Variants in NBPF8 observed in about 807,000 individuals in gnomAD.
The protein encoded by NBPF8 is NBPF member 8, also known as NBPF family member NBPF8.
intron 17 of NBPF8, among the ~76,000 whole-genome samples, chr1:120,459,773 C>T (rs1248450918): frequency 2.6e-5 from 4 of 152,224 alleles, no homozygotes; most frequent in Admixed American, 6.5e-5. Flanking sequence ...CTGACTGTCA[C>T]GATATTGAAC....
At chr1:120,454,700 T>G in intron 15 of NBPF8, among the ~76,000 whole-genome samples, 2 of 100,272 alleles carry the variant, frequency 2.0e-5, no homozygotes, top group African/African-American at 3.9e-5. Context: ...TGTAGCATCG[T>G]GGATTTTTTT....
intron 15 of NBPF8, among the ~76,000 whole-genome samples, chr1:120,454,576 C>A (rs1245047181): frequency 6.6e-6 from 1 of 152,108 alleles, no homozygotes; most frequent in African/African-American, 2.4e-5. Context: ...TGCACAGTCA[C>A]CCTGAAATCA....
intron 12 of NBPF8, among the ~76,000 whole-genome samples, chr1:120,451,896 G>A: frequency 2.0e-5 from 3 of 151,642 alleles, no homozygotes; most frequent in Non-Finnish European, 4.4e-5. Context: ...AAAGATGAAT[G>A]GAACATCATC....
downstream of NBPF8, among the ~76,000 whole-genome samples, chr1:120,467,991 A>G (rs1661791128): frequency 6.6e-6 from 1 of 151,586 alleles, no homozygotes; most frequent in Admixed American, 6.6e-5. Context: ...TGCCTTTGGC[A>G]TTTAGGAAGG....
At chr1:120,420,477 T>G (rs1203826164) in intron 1 of NBPF8, among the ~76,000 whole-genome samples, 6 of 149,692 alleles carry the variant, frequency 4.0e-5, no homozygotes, top group African/African-American at 1.5e-4. Flanking sequence ...CCCTTTCACC[T>G]GCTTTCTTCT....
upstream of NBPF8, chr1:120,433,585 G>C (rs1433497932): frequency 6.2e-6 from 1 of 161,290 alleles, no homozygotes; most frequent in African/African-American, 2.4e-5. Flanking sequence ...AATTAAAATG[G>C]TGTGTGTATG....
chr1:120,468,380 C>T (rs1314047416), downstream of NBPF8, among the ~76,000 whole-genome samples: 2 of 150,046 alleles, frequency 1.3e-5, no homozygotes, highest in Non-Finnish European at 3.0e-5. Flanking sequence ...AATCAGGTCT[C>T]GCTGAGTTTA....
exon 23 of NBPF8, chr1:120,464,515 GA>G: frequency 9.7e-6 from 10 of 1,030,176 alleles, no homozygotes; most frequent in East Asian, 2.4e-5. Flanking sequence ...TGCATTGGAG[GA>G]AAAACATGTT....
chr1:120,450,016 C>T (rs1275901979), intron 11 of NBPF8, among the ~76,000 whole-genome samples: 1 of 152,038 alleles, frequency 6.6e-6, no homozygotes, highest in Non-Finnish European at 1.5e-5. Context: ...ATCATCAGGT[C>T]AGGAGTTTGG....
chr1:120,435,874 A>G (rs1352251803), upstream of NBPF8, among the ~76,000 whole-genome samples: 1 of 148,012 alleles, frequency 6.8e-6, no homozygotes, highest in South Asian at 2.1e-4. Flanking sequence ...TCAAAAAAAT[A>G]AAAAAGTCAA....
At chr1:120,450,113 C>T (rs1361427945) in intron 11 of NBPF8, among the ~76,000 whole-genome samples, 28 of 151,984 alleles carry the variant, frequency 1.8e-4, no homozygotes, top group East Asian at 3.9e-4. Flanking sequence ...TGTAATCACC[C>T]CTGCTCAGGA....
chr1:120,431,808 T>A (rs1204320223), upstream of NBPF8, among the ~76,000 whole-genome samples: 1 of 151,382 alleles, frequency 6.6e-6, no homozygotes, highest in Non-Finnish European at 1.5e-5. Context: ...TCTGTATGTG[T>A]GTTTCCAGAC....
intron 11 of NBPF8, among the ~76,000 whole-genome samples, chr1:120,450,273 G>C (rs1238724834): frequency 1.3e-5 from 2 of 152,020 alleles, no homozygotes; most frequent in African/African-American, 4.8e-5. Flanking sequence ...AAAAAGCAGA[G>C]AGTAGCTTGG....
At chr1:120,436,669 C>T (rs1661092777) in exon 1 of NBPF8, 2 of 1,564,648 alleles carry the variant, frequency 1.3e-6, no homozygotes, top group Non-Finnish European at 1.8e-6. Context: ...AACTGGCCGG[C>T]TTCCTGGCCA....
chr1:120,468,549 C>T (rs1661813759), downstream of NBPF8, among the ~76,000 whole-genome samples: 4 of 150,832 alleles, frequency 2.7e-5, no homozygotes, highest in African/African-American at 9.8e-5. Flanking sequence ...CGATTTTGTT[C>T]TACCAGGACC....
intron 11 of NBPF8, among the ~76,000 whole-genome samples, chr1:120,450,179 G>A (rs9424784): frequency 5.9e-5 from 9 of 152,106 alleles, no homozygotes; most frequent in Admixed American, 3.3e-4. Flanking sequence ...GTGAGCCAAG[G>A]TTTTGCCATT....
At chr1:120,434,645 C>T (rs1393551754), upstream of NBPF8, among the ~76,000 whole-genome samples, 5 of 151,338 alleles carry the variant, frequency 3.3e-5, no homozygotes, top group African/African-American at 9.7e-5. Context: ...GACACCAATG[C>T]CCTTCATTGG....
At chr1:120,453,031 G>A (rs1185565995) in intron 13 of NBPF8, among the ~76,000 whole-genome samples, 4 of 149,344 alleles carry the variant, frequency 2.7e-5, no homozygotes, top group Admixed American at 2.0e-4. Flanking sequence ...AATGCAAACC[G>A]TGACAGGACA....
chr1:120,431,101 G>C (rs1660861343), intron 3 of NBPF8, among the ~76,000 whole-genome samples: 1 of 147,512 alleles, frequency 6.8e-6, no homozygotes, highest in Non-Finnish European at 1.5e-5. Flanking sequence ...TTACTCTACA[G>C]CTATGAAAAT....
Sources: gnomAD v4.1 joint callset for allele counts (sites outside exome capture counted in the v4.1 genomes callset) on GRCh38, gnomAD v4.1.1 for gene constraint, MANE v1.5 for transcripts, NCBI Gene and HGNC (gene_info 2026-07-23, HGNC 2026-07-21) for gene names.